Variants in RTN4IP1 observed in about 807,000 individuals in gnomAD.
The protein encoded by RTN4IP1 is NAD(P)H oxidoreductase RTN4IP1, mitochondrial.
In RTN4IP1, 32 loss-of-function variants were observed where a neutral mutation model predicts 46.6. The observed-to-expected ratio is 0.69, with a 90% confidence interval of 0.52 to 0.92. The LOEUF is 0.92. Ranked by LOEUF, RTN4IP1 falls within the 40% of genes least tolerant of loss-of-function variation. The probability of loss-of-function intolerance (pLI) is 0.00; values close to 1 mark genes in which losing one functional copy is unlikely to be tolerated. For missense variants in RTN4IP1, 424 were observed against 485.8 expected (o/e 0.87, Z 1.20); for synonymous variants, 167 against 161.8 (o/e 1.03, Z -0.24).
chr6:106,629,367 GC>G lies in RTN4IP1; in HGVS notation c.-347del. 1.8e-6 allele frequency: 1 copy of G among 558,072 alleles called. No homozygotes were observed. Among genetic ancestry groups the G allele is most frequent in the Admixed American group, 3.2e-5 (1 of 31,296 alleles). The allele number at this position is 558,072 out of a possible 1,614,324, so 34.6% of individuals were successfully genotyped here. Reference sequence around the variant, plus strand: ...CCTAGATCCCTGCCCTGTCCTGGGAGCCCTCGGCGGGACAAGCAGACACCGC... The same window carrying G: ...CCTAGATCCCTGCCCTGTCCTGGGAGCCTCGGCGGGACAAGCAGACACCGC... On this transcript the variant is annotated 5_prime_UTR_variant, in exon 1 of 9. Transcript: ENST00000369063.
At chr6:106,607,236 T>C (rs1016093047) in intron 4 of RTN4IP1, among the ~76,000 whole-genome samples, 3 of 151,978 alleles carry the variant, frequency 2.0e-5, no homozygotes, top group Admixed American at 6.6e-5. Flanking sequence ...TCTCTCACCA[T>C]ATATAAAAAC....
chr6:106,627,743 C>CTTTTTTTTTT (rs759953237), intron 1 of RTN4IP1, among the ~76,000 whole-genome samples: 3 of 52,990 alleles, frequency 5.7e-5, no homozygotes, highest in African/African-American at 1.9e-4. Flanking sequence ...CATTTCAATG[C>CTTTTTTTTTT]TTTTTTTTTT....
intron 7 of RTN4IP1, among the ~76,000 whole-genome samples, chr6:106,584,606 C>G (rs1775442000): frequency 6.6e-6 from 1 of 152,180 alleles, no homozygotes. Flanking sequence ...CAGCCCATTT[C>G]CTGTAGAATG....
intron 1 of RTN4IP1, among the ~76,000 whole-genome samples, chr6:106,625,661 CTTTTTTTTTTTTT>C (rs773454257): frequency 8.9e-6 from 1 of 112,798 alleles, no homozygotes; most frequent in Non-Finnish European, 1.8e-5. Flanking sequence ...TCTTTTTTTT[CTTTTTTTTTTTTT>C]TTTTTTTGAG....
chr6:106,572,132 A>G, intron 8 of RTN4IP1, 29 bp from the exon 9 acceptor site: 2 of 1,538,878 alleles, frequency 1.3e-6, no homozygotes, highest in East Asian at 2.2e-5. Context: ...TGACCGGTGG[A>G]TAAAAAAGCC....
intron 5 of RTN4IP1, among the ~76,000 whole-genome samples, chr6:106,601,019 A>T (rs1370836692): frequency 6.6e-6 from 1 of 152,132 alleles, no homozygotes; most frequent in Non-Finnish European, 1.5e-5. Context: ...ACTCTCCCAC[A>T]ATGTCTGCAC....
intron 5 of RTN4IP1, among the ~76,000 whole-genome samples, chr6:106,598,095 T>C (rs951284668): frequency 3.3e-5 from 5 of 152,178 alleles, no homozygotes; most frequent in Admixed American, 2.0e-4. Context: ...CAGTCTATCA[T>C]TGTTGGACAT....
upstream of RTN4IP1, chr6:106,629,534 G>C: frequency 9.9e-7 from 1 of 1,006,264 alleles, no homozygotes; most frequent in Non-Finnish European, 1.4e-6. Flanking sequence ...TCATTTCCTC[G>C]GGCTGCAATT....
chr6:106,604,902 T>C (rs1220583524), intron 4 of RTN4IP1, among the ~76,000 whole-genome samples: 1 of 152,136 alleles, frequency 6.6e-6, no homozygotes, highest in Non-Finnish European at 1.5e-5. Flanking sequence ...ACACTGACAG[T>C]GACCCCACCC....
chr6:106,614,982 G>GA (rs1020560580), intron 4 of RTN4IP1, among the ~76,000 whole-genome samples: 3 of 109,386 alleles, frequency 2.7e-5, no homozygotes, highest in Non-Finnish European at 5.3e-5. Flanking sequence ...GGACTCCCTG[G>GA]AAAATAGACC....
At chr6:106,598,599 C>T (rs1252445422) in intron 5 of RTN4IP1, among the ~76,000 whole-genome samples, 1 of 151,802 alleles carries the variant, frequency 6.6e-6, no homozygotes, top group Non-Finnish European at 1.5e-5. Flanking sequence ...GATATTAGCC[C>T]TTTGTCAGAT....
chr6:106,596,798 C>A (rs140288978), intron 5 of RTN4IP1, among the ~76,000 whole-genome samples: 2 of 152,258 alleles, frequency 1.3e-5, no homozygotes, highest in East Asian at 1.9e-4. Flanking sequence ...ATATTCCCCA[C>A]GTTCTTCATG....
chr6:106,622,946 T>G lies in RTN4IP1; in HGVS notation c.298A>C (p.Asn100His). Residue 100 changes from asparagine to histidine, a missense_variant, in exon 2 of 9, where the codon AAT (asparagine) becomes CAT (histidine). Asn to His is a moderately conservative substitution (Grantham distance 68, BLOSUM62 1). Coordinates refer to ENST00000369063, the MANE Select transcript of RTN4IP1 (RefSeq NM_032730.5). The stretch of plus-strand genomic sequence containing the variant: ...ACGTGTAAAGGATCACGCTTCATAT[T>G]TAAAGCTGTAGCTCCATAACCACCT... ...MRSGYGATAL[N>H]MKRDPLHVKI... 3 of 1,614,166 alleles carry G rather than the reference T, an allele frequency of 1.9e-6. No homozygotes were observed. In the South Asian group the frequency reaches 3.3e-5, roughly 18 times the overall value.
intron 4 of RTN4IP1, among the ~76,000 whole-genome samples, chr6:106,614,005 T>C (rs747799195): frequency 2.0e-5 from 3 of 152,220 alleles, no homozygotes; most frequent in African/African-American, 7.2e-5. Context: ...CTTATGTGTA[T>C]TGATGGATGT....
chr6:106,580,754 T>C (rs1775350804), intron 8 of RTN4IP1, among the ~76,000 whole-genome samples: 1 of 149,062 alleles, frequency 6.7e-6, no homozygotes, highest in Non-Finnish European at 1.5e-5. Flanking sequence ...AAATTATAAA[T>C]GCATATCTCT....
intron 4 of RTN4IP1, among the ~76,000 whole-genome samples, chr6:106,612,599 T>C (rs1465231544): frequency 6.7e-6 from 1 of 148,612 alleles, no homozygotes; most frequent in Non-Finnish European, 1.5e-5. Flanking sequence ...TATGTCAGTA[T>C]GTTCAATTCT....
intron 7 of RTN4IP1, among the ~76,000 whole-genome samples, chr6:106,586,521 C>T (rs556328432): frequency 1.3e-5 from 2 of 151,936 alleles, no homozygotes; most frequent in African/African-American, 4.8e-5. Context: ...CAGGTATACA[C>T]CAACATACCT....
At chr6:106,610,085 G>A (rs546894915) in intron 4 of RTN4IP1, among the ~76,000 whole-genome samples, 86 of 151,424 alleles carry the variant, frequency 5.7e-4, no homozygotes, top group Non-Finnish European at 9.1e-4. Context: ...TTTTTGAGAC[G>A]GAGTCTCACT....
At chr6:106,584,834 G>A (rs561674027) in intron 7 of RTN4IP1, among the ~76,000 whole-genome samples, 51 of 152,358 alleles carry the variant, frequency 3.3e-4, no homozygotes, top group African/African-American at 1.2e-3. Flanking sequence ...GGGTGTGCCA[G>A]GATGGCTTAC....
Sources: gnomAD v4.1 joint callset for allele counts (sites outside exome capture counted in the v4.1 genomes callset) on GRCh38, gnomAD v4.1.1 for gene constraint, MANE v1.5 for transcripts, NCBI Gene and HGNC (gene_info 2026-07-23, HGNC 2026-07-21) for gene names.